Variants in NEB observed in about 807,000 individuals in gnomAD.
The protein encoded by NEB is nebulin.
A neutral mutation model predicts 952.2 loss-of-function variants in NEB; 512 were observed. The ratio of observed to expected loss-of-function variants is 0.54; its 90% CI spans 0.50 to 0.58. The LOEUF (loss-of-function observed/expected upper bound fraction) is 0.58, where lower values mean the gene tolerates loss of function less well. Among genes scored for constraint, NEB ranks in the 20% least tolerant of loss-of-function variants. The probability of loss-of-function intolerance (pLI) is 0.00; values close to 1 mark genes in which losing one functional copy is unlikely to be tolerated. For synonymous variants in NEB, 2,900 were observed against 3,149.8 expected (o/e 0.92, Z 2.66); for missense variants, 8,428 against 9,231.1 (o/e 0.91, Z 3.56).
chr2:151,664,746 T>C lies in NEB; in HGVS notation c.5343+13A>G. ...ACCTTCTCCCCAGCTTTTGCTGTTG[T>C]TAACCTACTTACATCACTCATGGTG... On this transcript the variant is annotated intron_variant, in intron 43 of 181. Transcript: ENST00000397345. The C allele has an allele frequency of 6.3e-7, 1 of 1,594,482 alleles. No homozygotes were observed. The highest frequency in any genetic ancestry group is 8.6e-7 in the Non-Finnish European group (1 of 1,164,646).
chr2:151,672,317 TG>T, intron 37 of NEB, 51 bp downstream of exon 37: 1 of 1,468,350 alleles, frequency 6.8e-7, no homozygotes. Flanking sequence ...AAGCGAGAAG[TG>T]ATCATCCTTT....
intron 10 of NEB, among the ~76,000 whole-genome samples, chr2:151,712,618 A>C (rs1230493220): frequency 6.6e-6 from 1 of 152,142 alleles, no homozygotes; most frequent in African/African-American, 2.4e-5. Context: ...TTCATGACAC[A>C]GGAGGAGGCT....
rs771426165 is a variant in NEB, at chr2:151,733,153, C to A, written c.4G>T (p.Ala2Ser). The A allele has an allele frequency of 1.2e-6, 2 of 1,604,736 alleles. No individual in the cohort carries two copies. Among genetic ancestry groups the A allele is most frequent in the Non-Finnish European group, 1.7e-6 (2 of 1,175,964 alleles). ...ACCTCCTCATAGTCTTCGTCATCTG[C>A]CATTTTTCCAGAGTAGTAGTGGCAC... M[A>S]DDEDYEEVVE... Residue 2 changes from alanine to serine, a missense_variant, in exon 3 of 182, where the codon GCA becomes TCA. This residue lies in a region of NEB where 2,851 missense variants were observed against 2,791.5 expected (regional missense o/e 1.02). Coordinates refer to ENST00000397345, the MANE Select transcript of NEB (RefSeq NM_001164508.2).
At chr2:151,507,847 T>G (rs2070585173) in intron 162 of NEB, 158 bp downstream of exon 162, 2 of 606,680 alleles carry the variant, frequency 3.3e-6, no homozygotes, top group Admixed American at 5.6e-5. Flanking sequence ...AGATACAAGG[T>G]GAGCCCAGAG....
At chr2:151,620,333 ATATG>A (rs1423854124) in intron 72 of NEB, among the ~76,000 whole-genome samples, 1 of 109,468 alleles carries the variant, frequency 9.1e-6, no homozygotes, top group African/African-American at 3.7e-5. Context: ...TATTATATAT[ATATG>A]TATGTGTGTG....
At chr2:151,507,764 A>G in intron 162 of NEB, 1 of 456,372 alleles carries the variant, frequency 2.2e-6, no homozygotes, top group Non-Finnish European at 3.9e-6. Context: ...GGGTGAGGAA[A>G]AGATACTATA....
chr2:151,680,477 A>T (rs1262116833), intron 30 of NEB, among the ~76,000 whole-genome samples: 3 of 151,966 alleles, frequency 2.0e-5, no homozygotes, highest in Non-Finnish European at 4.4e-5. Context: ...TGTTGTCATT[A>T]AGAGAAGTCC....
At chr2:151,654,752 G>A (rs753978077) in intron 51 of NEB, among the ~76,000 whole-genome samples, 2 of 152,192 alleles carry the variant, frequency 1.3e-5, no homozygotes, top group Non-Finnish European at 2.9e-5. Flanking sequence ...GATGAGGAAA[G>A]TGAGACTTAG....
chr2:151,639,687 T>G (rs2098823551), intron 62 of NEB, among the ~76,000 whole-genome samples, 170 bp downstream of exon 62: 1 of 152,198 alleles, frequency 6.6e-6, no homozygotes, highest in South Asian at 2.1e-4. Flanking sequence ...AATATCAAAA[T>G]ATACATGATA....
intron 102 of NEB, 45 bp from the exon 103 acceptor site, chr2:151,581,632 T>C: frequency 2.2e-6 from 3 of 1,358,450 alleles, no homozygotes; most frequent in Non-Finnish European, 2.0e-6. Flanking sequence ...AGTAAATAAG[T>C]CAATTACCAC....
intron 168 of NEB, among the ~76,000 whole-genome samples, chr2:151,500,419 A>G (rs2063518349): frequency 2.2e-5 from 2 of 90,616 alleles, no homozygotes; most frequent in Non-Finnish European, 5.1e-5. Flanking sequence ...AGAGTTGTAT[A>G]TAATACACAA....
At chr2:151,622,447 A>G (rs1002019207) in intron 71 of NEB, among the ~76,000 whole-genome samples, 4 of 152,216 alleles carry the variant, frequency 2.6e-5, no homozygotes, top group Non-Finnish European at 5.9e-5. Context: ...TAAAATGTAT[A>G]CTTTCCACCT....
intron 153 of NEB, among the ~76,000 whole-genome samples, chr2:151,523,530 T>C (rs1387642434): frequency 2.0e-5 from 3 of 152,232 alleles, no homozygotes; most frequent in Non-Finnish European, 4.4e-5. Flanking sequence ...AATGAGATAT[T>C]CTTAAGCTAA....
chr2:151,616,195 A>G, intron 75 of NEB, 86 bp from the exon 76 acceptor site: 2 of 938,838 alleles, frequency 2.1e-6, no homozygotes, highest in Admixed American at 4.4e-5. Flanking sequence ...CCTCATTTAA[A>G]CTTCAGAAAT....
At chr2:151,688,533 C>A in intron 24 of NEB, 137 bp from the exon 25 acceptor site, 2 of 689,458 alleles carry the variant, frequency 2.9e-6, no homozygotes, top group Non-Finnish European at 2.6e-6. Context: ...AAGTCTCGCA[C>A]AGGATTCAAA....
At position 151,537,118 on chromosome 2, in the gene NEB, T is replaced by A; in HGVS notation, c.21207+14A>T. 1 of 1,542,778 alleles carries A rather than the reference T, an allele frequency of 6.5e-7. No homozygotes were observed. Among genetic ancestry groups the A allele is most frequent in the Non-Finnish European group, 9.0e-7 (1 of 1,116,682 alleles). ...GTCGAATGGATGAGGCCAATTCTCC[T>A]TGAGTATATATACCTTGCTGTAGAG... On this transcript the variant is annotated intron_variant, in intron 141 of 181. Transcript: ENST00000397345.
intron 12 of NEB, among the ~76,000 whole-genome samples, chr2:151,709,328 C>T (rs530317889): frequency 2.6e-5 from 4 of 152,264 alleles, no homozygotes; most frequent in Non-Finnish European, 5.9e-5. Flanking sequence ...AGTGAGAAGA[C>T]ACTAAATCAA....
At chr2:151,728,886 T>C (rs896783482) in intron 4 of NEB, among the ~76,000 whole-genome samples, 3 of 152,140 alleles carry the variant, frequency 2.0e-5, no homozygotes, top group African/African-American at 7.2e-5. Flanking sequence ...CTGCCCATGA[T>C]TACCTAGGCA....
Position 151,663,641 on chromosome 2 carries a change from A to T in NEB, c.5670T>A (p.Asn1890Lys), listed in dbSNP as rs777878770. The change falls in exon 45 of 182, where the codon AAT (asparagine) becomes AAA (lysine). Residue 1890 changes from asparagine to lysine, a missense_variant. Asn to Lys is a moderately conservative substitution (Grantham distance 94, BLOSUM62 0). Around this residue, in one of 11 missense-constraint regions of NEB, gnomAD observed 2,851 missense variants for 2,791.5 expected, o/e 1.02. Coordinates refer to ENST00000397345, the MANE Select transcript of NEB (RefSeq NM_001164508.2). ...TATGGATCACGTTCCTGTAGTTGGC[A>T]TTGGTGGCCACTTCCTGAGACTTCT... is the stretch of plus-strand genomic sequence containing the variant. ...AAKKSQEVAT[N>K]ANYRNVIHTY... The T allele has an allele frequency of 6.2e-7, 1 of 1,613,838 alleles. No homozygotes were observed. Among genetic ancestry groups the T allele is most frequent in the Non-Finnish European group, 8.5e-7 (1 of 1,179,778 alleles).
Sources: allele counts gnomAD v4.1 joint callset (sites outside exome capture counted in the v4.1 genomes callset), GRCh38; gene constraint gnomAD v4.1.1; regional missense constraint gnomAD v4.1.1; transcripts MANE v1.5; gene names NCBI Gene and HGNC (gene_info 2026-07-23, HGNC 2026-07-21).